Variants in NFIB observed in about 807,000 individuals in gnomAD.
NFIB encodes nuclear factor 1 B-type.
NFIB carries 11 observed loss-of-function variants against 61.5 expected under a neutral mutation model. That is an observed-to-expected ratio of 0.18 (90% confidence interval 0.11 to 0.30). The LOEUF (loss-of-function observed/expected upper bound fraction) is 0.30. NFIB is among the 10% of genes least tolerant of loss of function. The pLI, the probability that NFIB is intolerant of heterozygous loss-of-function variation, is 1.00. For missense variants in NFIB, 471 were observed against 608.9 expected, an observed-to-expected ratio of 0.77 and a Z score of 2.38; for synonymous variants, 260 against 216.5, an observed-to-expected ratio of 1.20 and a Z score of -1.76.
chr9:14,399,538 A>G (rs2133051128), upstream of NFIB, among the ~76,000 whole-genome samples: 1 of 152,326 alleles, frequency 6.6e-6, no homozygotes, highest in South Asian at 2.1e-4. Flanking sequence ...AATTACAAAT[A>G]CCTACCCTTT....
chr9:14,166,589 T>C (rs1402486776), intron 3 of NFIB, among the ~76,000 whole-genome samples: 1 of 152,214 alleles, frequency 6.6e-6, no homozygotes, highest in African/African-American at 2.4e-5. Flanking sequence ...ATTAGTCCTT[T>C]TAATCCACAT....
At chr9:14,202,745 T>C (rs752750085) in intron 2 of NFIB, among the ~76,000 whole-genome samples, 1 of 152,192 alleles carries the variant, frequency 6.6e-6, no homozygotes, top group Non-Finnish European at 1.5e-5. Flanking sequence ...AGCAAATCTA[T>C]GCAAAGAGAT....
chr9:14,360,713 T>G (rs1232112343), intron 1 of NFIB, among the ~76,000 whole-genome samples: 1 of 151,854 alleles, frequency 6.6e-6, no homozygotes, highest in African/African-American at 2.4e-5. Context: ...CCCGGCTAAT[T>G]TTTTGTATTT....
intron 10 of NFIB, among the ~76,000 whole-genome samples, chr9:14,099,898 C>T (rs2035464787): frequency 6.6e-6 from 1 of 152,064 alleles, no homozygotes; most frequent in Non-Finnish European, 1.5e-5. Flanking sequence ...ATGGTGAAAT[C>T]CAGTGTGTGC....
At chr9:14,472,939 A>C in the NFIB span, among the ~76,000 whole-genome samples, 1 of 152,384 alleles carries the variant, frequency 6.6e-6, no homozygotes, top group African/African-American at 2.4e-5. Flanking sequence ...TTTGAGAAGC[A>C]CTGCTCTAGA....
At chr9:14,445,257 A>G in the NFIB span, among the ~76,000 whole-genome samples, 3 of 152,160 alleles carry the variant, frequency 2.0e-5, no homozygotes, top group African/African-American at 7.2e-5. Context: ...AATCATACAT[A>G]TCATTGCAAA....
intron 1 of NFIB, among the ~76,000 whole-genome samples, chr9:14,330,919 A>G (rs1054368455): frequency 6.6e-6 from 1 of 152,076 alleles, no homozygotes; most frequent in African/African-American, 2.4e-5. Context: ...TGGGCTCTCT[A>G]CTTCATATAT....
At chr9:14,499,238 T>C in the NFIB span, among the ~76,000 whole-genome samples, 1 of 152,168 alleles carries the variant, frequency 6.6e-6, no homozygotes, top group Non-Finnish European at 1.5e-5. Flanking sequence ...TAACTGCACC[T>C]GTGCAAGGAG....
intron 2 of NFIB, among the ~76,000 whole-genome samples, chr9:14,247,407 C>G (rs2055058023): frequency 6.6e-6 from 1 of 152,176 alleles, no homozygotes. Flanking sequence ...TGACCATGCC[C>G]AGAACAGGAT....
At chr9:14,294,936 A>G (rs1045607859) in intron 2 of NFIB, among the ~76,000 whole-genome samples, 2 of 152,170 alleles carry the variant, frequency 1.3e-5, no homozygotes, top group Non-Finnish European at 2.9e-5. Context: ...ACAAGCACCG[A>G]AACTAGTTCC....
intron 2 of NFIB, among the ~76,000 whole-genome samples, chr9:14,245,550 G>A (rs2054823744): frequency 6.6e-6 from 1 of 152,024 alleles, no homozygotes; most frequent in Admixed American, 6.6e-5. Context: ...GTAAACACAT[G>A]ATTATACTAT....
chr9:14,353,564 G>C (rs969773711), intron 1 of NFIB, among the ~76,000 whole-genome samples: 2 of 152,178 alleles, frequency 1.3e-5, no homozygotes, highest in Admixed American at 6.5e-5. Flanking sequence ...TCCAATGAGA[G>C]AAACTGAAAG....
At chr9:14,293,116 G>A (rs12685327) in intron 2 of NFIB, among the ~76,000 whole-genome samples, 7,092 of 152,184 alleles carry the variant, frequency 0.047, 384 homozygotes, top group East Asian at 0.21. Context: ...TTTTCAGTGC[G>A]TTACAATGAA....
intron 1 of NFIB, among the ~76,000 whole-genome samples, chr9:14,382,714 G>T (rs980150897): frequency 2.0e-5 from 3 of 151,954 alleles, no homozygotes; most frequent in Non-Finnish European, 4.4e-5. Context: ...ACCAACATGT[G>T]TCTATCAATA....
At chr9:14,150,103 G>T in intron 5 of NFIB, 42 bp downstream of exon 5, 1 of 1,611,764 alleles carries the variant, frequency 6.2e-7, no homozygotes, top group Non-Finnish European at 8.5e-7. Flanking sequence ...ACGAACCTAT[G>T]TGTGTATCAC....
chr9:14,189,992 C>CA (rs1199084889), intron 2 of NFIB, among the ~76,000 whole-genome samples: 2 of 151,992 alleles, frequency 1.3e-5, no homozygotes, highest in Admixed American at 1.3e-4. Context: ...ACTCAATGAC[C>CA]AAAAAGTCAT....
chr9:14,528,378 T>C, the NFIB span, among the ~76,000 whole-genome samples: 1 of 152,156 alleles, frequency 6.6e-6, no homozygotes, highest in Non-Finnish European at 1.5e-5. Context: ...ATGATTTTCT[T>C]TCAAGACAAA....
chr9:14,287,975 G>T (rs9696439), intron 2 of NFIB, among the ~76,000 whole-genome samples: 1 of 151,816 alleles, frequency 6.6e-6, no homozygotes, highest in Non-Finnish European at 1.5e-5. Flanking sequence ...CAACAGCCAC[G>T]CTTGATTTTT....
chr9:14,141,843 C>T (rs2041741424), intron 6 of NFIB, among the ~76,000 whole-genome samples: 1 of 146,114 alleles, frequency 6.8e-6, no homozygotes, highest in South Asian at 2.2e-4. Flanking sequence ...TGGGGTCCCC[C>T]TTCCACACTG....
Sources: allele counts gnomAD v4.1 joint callset (sites outside exome capture counted in the v4.1 genomes callset), GRCh38; gene constraint gnomAD v4.1.1; transcripts MANE v1.5; gene names NCBI Gene and HGNC (gene_info 2026-07-23, HGNC 2026-07-21).